Variants in KCMF1 observed in about 807,000 individuals in gnomAD.
KCMF1 encodes E3 ubiquitin-protein ligase KCMF1.
A neutral mutation model predicts 41.1 loss-of-function variants in KCMF1; 3 were observed. The observed-to-expected ratio is 0.07, with a 90% CI of 0.03 to 0.19. KCMF1 has a LOEUF of 0.19. Among genes scored for constraint, KCMF1 ranks in the 10% least tolerant of loss-of-function variants. The probability of loss-of-function intolerance (pLI) is 1.00; values close to 1 mark genes in which losing one functional copy is unlikely to be tolerated. For synonymous variants in KCMF1, 142 were observed against 164.5 expected (o/e 0.86, Z 1.04); for missense variants, 286 against 488.9 (o/e 0.58, Z 3.91).
At position 84,971,336 on chromosome 2, in the gene KCMF1, G is replaced by A. The variant is rs1366511372; in HGVS notation, c.-116G>A. The A allele has an allele frequency of 1.2e-5, 6 of 498,170 alleles. No homozygotes were observed. The highest frequency in any genetic ancestry group is 1.6e-5 in the Non-Finnish European group (6 of 379,668). 30.9% of individuals were successfully genotyped at this position (498,170 alleles called of 1,614,324 possible). On this transcript the variant is annotated 5_prime_UTR_variant, in exon 1 of 7. Transcript: ENST00000409785. ...CTCCCCTGCCCACCCCGCCCCCGCG[G>A]CCGAGCCCGGGAGTCGAGTGGGAGT...
At chr2:84,993,326 T>C (rs974367476) in intron 1 of KCMF1, among the ~76,000 whole-genome samples, 1 of 152,104 alleles carries the variant, frequency 6.6e-6, no homozygotes, top group African/African-American at 2.4e-5. Context: ...GATGGTAATA[T>C]AAGAGGAGCT....
intron 1 of KCMF1, among the ~76,000 whole-genome samples, chr2:84,980,595 A>G (rs1173627259): frequency 6.6e-6 from 1 of 151,468 alleles, no homozygotes; most frequent in Non-Finnish European, 1.5e-5. Flanking sequence ...GCAAAGTAGA[A>G]TTATGAGTTC....
At chr2:84,973,448 A>G (rs1364705372) in intron 1 of KCMF1, among the ~76,000 whole-genome samples, 1 of 152,234 alleles carries the variant, frequency 6.6e-6, no homozygotes, top group South Asian at 2.1e-4. Flanking sequence ...ACCTCAGCAC[A>G]CTAGTAGCAC....
intron 2 of KCMF1, among the ~76,000 whole-genome samples, chr2:85,034,596 T>C (rs1356110040): frequency 2.0e-5 from 3 of 152,182 alleles, no homozygotes. Flanking sequence ...ATAAGGATAT[T>C]ACAAATGTAA....
intron 1 of KCMF1, among the ~76,000 whole-genome samples, chr2:85,000,915 G>A (rs1188929226): frequency 6.6e-6 from 1 of 150,914 alleles, no homozygotes; most frequent in East Asian, 2.0e-4. Flanking sequence ...AGTAGGTAGG[G>A]CTACAGATAA....
At chr2:85,025,390 AACCCC>A (rs1675073140) in intron 1 of KCMF1, among the ~76,000 whole-genome samples, 1 of 152,166 alleles carries the variant, frequency 6.6e-6, no homozygotes, top group East Asian at 1.9e-4. Context: ...AATTTATTTT[AACCCC>A]TTTTAGGTGT....
intron 1 of KCMF1, among the ~76,000 whole-genome samples, chr2:85,009,710 C>G (rs1674608087): frequency 6.6e-6 from 1 of 152,052 alleles, no homozygotes; most frequent in Non-Finnish European, 1.5e-5. Context: ...CTTACTTAAT[C>G]CCTCTGTTTT....
chr2:84,999,761 A>C lies in KCMF1; in HGVS notation c.17-28128A>C, dbSNP rs547613659. Among the ~76,000 whole-genome samples, 18 of 152,348 alleles carry C rather than the reference A, an allele frequency of 1.2e-4. No individual in the cohort carries two copies. The South Asian group carries it at 3.3e-3, about 28-fold the overall frequency. ...GTAGGGATAACATAAGACAAATTACATACTTTCCACATGGAAAAATAAAAA... is the reference window on the plus strand; with the variant it reads ...GTAGGGATAACATAAGACAAATTACCTACTTTCCACATGGAAAAATAAAAA... On this transcript the variant is annotated intron_variant, in intron 1 of 6. Coordinates refer to ENST00000409785, the MANE Select transcript of KCMF1 (RefSeq NM_020122.5).
intron 1 of KCMF1, among the ~76,000 whole-genome samples, chr2:84,995,310 C>T (rs544225302): frequency 6.6e-6 from 1 of 152,270 alleles, no homozygotes; most frequent in Non-Finnish European, 1.5e-5. Flanking sequence ...GTGAGCCAAC[C>T]GTGCCTGGCC....
chr2:85,028,767 C>T (rs779187061), intron 2 of KCMF1, among the ~76,000 whole-genome samples: 1 of 151,902 alleles, frequency 6.6e-6, no homozygotes, highest in African/African-American at 2.4e-5. Context: ...GGATTACAGG[C>T]GTAAGCCACC....
chr2:85,034,745 C>T (rs1189735160), intron 2 of KCMF1, among the ~76,000 whole-genome samples: 5 of 152,114 alleles, frequency 3.3e-5, no homozygotes, highest in African/African-American at 7.2e-5. Context: ...GCTCAGCCTC[C>T]GGAGCAGCTG....
At chr2:84,989,395 A>G (rs1457144653) in intron 1 of KCMF1, among the ~76,000 whole-genome samples, 3 of 152,212 alleles carry the variant, frequency 2.0e-5, no homozygotes, top group Non-Finnish European at 2.9e-5. Context: ...TTGCTGAGGC[A>G]GAAAGGGAGG....
At position 85,049,514 on chromosome 2, in the gene KCMF1, C is replaced by G; in HGVS notation, c.750C>G (p.Thr250=). The change falls in exon 6 of 7, where the codon ACC becomes ACG. Residue 250 remains threonine (T), a synonymous_variant. Coordinates refer to ENST00000409785, the MANE Select transcript of KCMF1 (RefSeq NM_020122.5). The part of the protein sequence containing the change: ...HAQAARQQLE[T]ARNATRRTNT... ...AGGCAGCACGGCAACAACTGGAGAC[C>G]GCACGCAACGCAACCCGGCGTACTA... 1 of 1,613,998 alleles carries G rather than the reference C, an allele frequency of 6.2e-7. No homozygotes were observed. The highest frequency in any genetic ancestry group is 1.1e-5 in the South Asian group (1 of 91,074).
chr2:85,024,397 C>G (rs531721458), intron 1 of KCMF1, among the ~76,000 whole-genome samples: 10 of 152,286 alleles, frequency 6.6e-5, no homozygotes, highest in African/African-American at 2.4e-4. Context: ...TGCTTGAACC[C>G]AGGAGGCGGA....
chr2:85,054,329 CA>C lies in KCMF1; in HGVS notation c.*921del, dbSNP rs1574047188. 6.6e-6 allele frequency: 1 copy of C among 152,162 alleles called. No homozygotes were observed. Among genetic ancestry groups the C allele is most frequent in the East Asian group, 1.9e-4 (1 of 5,204 alleles). 9.4% of individuals were successfully genotyped at this position (152,162 alleles called of 1,614,324 possible). A position where few individuals can be genotyped will look rare whatever the true frequency, so the allele number is the denominator to read the frequency against. ...TTTTTAAAAATCTCACATTCTCAAT[CA>C]TATTTTGCATTATTTATGTATTTGC... On this transcript the variant is annotated 3_prime_UTR_variant, in exon 7 of 7. Coordinates refer to ENST00000409785, the MANE Select transcript of KCMF1 (RefSeq NM_020122.5).
chr2:85,055,482 G>C lies in KCMF1; in HGVS notation c.*2073G>C, dbSNP rs548191612. On this transcript the variant is annotated 3_prime_UTR_variant, in exon 7 of 7. Transcript: ENST00000409785. ...TTTAACATGGTTTTAGGGAACAACT[G>C]TAAGTCCATTCAGAGCAGTTTAATT... 1 of 152,152 alleles carries C rather than the reference G, an allele frequency of 6.6e-6. No individual in the cohort carries two copies. Among genetic ancestry groups the C allele is most frequent in the Admixed American group, 6.5e-5 (1 of 15,276 alleles). 9.4% of individuals were successfully genotyped at this position (152,152 alleles called of 1,614,324 possible). A position where few individuals can be genotyped will look rare whatever the true frequency, so the allele number is the denominator to read the frequency against.
intron 2 of KCMF1, among the ~76,000 whole-genome samples, chr2:85,031,748 T>C (rs1049290131): frequency 3.9e-5 from 6 of 152,202 alleles, no homozygotes; most frequent in Non-Finnish European, 1.5e-5. Flanking sequence ...ATCTTACTTA[T>C]TTATCTATCT....
At chr2:85,000,323 C>G (rs1339952260) in intron 1 of KCMF1, among the ~76,000 whole-genome samples, 1 of 133,060 alleles carries the variant, frequency 7.5e-6, no homozygotes, top group Admixed American at 7.3e-5. Flanking sequence ...CGGGGTTTCA[C>G]CGTGTTAGCC....
intron 3 of KCMF1, among the ~76,000 whole-genome samples, chr2:85,035,464 G>C (rs925559105): frequency 6.6e-6 from 1 of 152,186 alleles, no homozygotes; most frequent in African/African-American, 2.4e-5. Context: ...GCAACCTGCA[G>C]TGCATCTCTT....
Sources: allele counts gnomAD v4.1 joint callset (sites outside exome capture counted in the v4.1 genomes callset), GRCh38; gene constraint gnomAD v4.1.1; transcripts MANE v1.5; gene names NCBI Gene and HGNC (gene_info 2026-07-23, HGNC 2026-07-21).